PEX19: variants seen among roughly 807,000 people sequenced by gnomAD.
PEX19 encodes the protein 33 kDa housekeeping protein.
PEX19 carries 29 observed loss-of-function variants against 36.3 expected under a neutral mutation model. That is an observed-to-expected ratio of 0.80 (90% CI 0.60 to 1.09). The LOEUF (loss-of-function observed/expected upper bound fraction) is 1.09. Among genes scored for constraint, PEX19 ranks in the 50% least tolerant of loss-of-function variants. PEX19 has a pLI of 0.00. For missense variants in PEX19, 396 were observed against 368.1 expected (o/e 1.08, Z -0.62); for synonymous variants, 141 against 135.2 (o/e 1.04, Z -0.30).
intron 3 of PEX19, 56 bp downstream of exon 3, chr1:160,282,888 G>C: frequency 6.4e-7 from 1 of 1,570,814 alleles, no homozygotes; most frequent in South Asian, 1.1e-5. Context: ...GTGTTTTCAG[G>C]CAACAAAGAC....
chr1:160,280,178 C>T lies in PEX19; in HGVS notation c.663G>A (p.Gln221=). The T allele has an allele frequency of 1.2e-6, 2 of 1,613,952 alleles. No individual in the cohort carries two copies. Among genetic ancestry groups the T allele is most frequent in the Non-Finnish European group, 1.7e-6 (2 of 1,179,830 alleles). Residue 221 remains glutamine (Q), a synonymous_variant, in exon 6 of 8, where the codon CAG becomes CAA. Transcript: ENST00000368072. ...CACATATTTTGCACATGACGCTGTGCTGCTCCTGATATTTTTCAAACTGCT... is the reference window on the plus strand; with the variant it reads ...CACATATTTTGCACATGACGCTGTGTTGCTCCTGATATTTTTCAAACTGCT... ...PPEQFEKYQE[Q]HSVMCKICEQ... is the part of the protein sequence containing the mutation.
rs1284493350 is a variant in PEX19, at chr1:160,279,653, G to T, written c.817-19C>A. The T allele has an allele frequency of 6.2e-7, 1 of 1,605,002 alleles. No homozygotes were observed. Among genetic ancestry groups the T allele is most frequent in the Non-Finnish European group, 8.5e-7 (1 of 1,171,688 alleles). On this transcript the variant is annotated intron_variant, in intron 7 of 7. Transcript: ENST00000368072. ...CAGGAGGCTGGGGAAGAGATGAAGG[G>T]ACTCAGATAGTTGCTCATTTTTTAG...
Position 160,279,540 on chromosome 1 carries a change from CGT to C in PEX19, c.*9_*10del. 4.3e-6 allele frequency: 7 copies of C among 1,609,586 alleles called. No individual in the cohort carries two copies. Among genetic ancestry groups the C allele is most frequent in the Non-Finnish European group, 6.0e-6 (7 of 1,175,820 alleles). On this transcript the variant is annotated 3_prime_UTR_variant, in exon 8 of 8. Transcript: ENST00000368072. ...CATAGCTGGGACTCAGAGAGGAAAACGTGTTGTGTTTCACATGATCAGACACT... is the reference window on the plus strand; with the variant it reads ...CATAGCTGGGACTCAGAGAGGAAAACGTTGTGTTTCACATGATCAGACACT...
In PEX19 at chr1:160,277,431, G is replaced by C; in HGVS notation, c.*2120C>G. The C allele has an allele frequency of 2.2e-6, 1 of 454,794 alleles. No homozygotes were observed. The highest frequency in any genetic ancestry group is 1.6e-5 in the South Asian group (1 of 64,394). 28.2% of individuals were successfully genotyped at this position (454,794 alleles called of 1,614,324 possible). A position where few individuals can be genotyped will look rare whatever the true frequency, so the allele number is the denominator to read the frequency against. ...ATGCATATTGATAAGTGAAGGACTG[G>C]AAAACAAAAAACCTGGTCCTTTACC... On this transcript the variant is annotated 3_prime_UTR_variant, in exon 8 of 8. Transcript: ENST00000368072.
intron 5 of PEX19, among the ~76,000 whole-genome samples, chr1:160,280,451 C>T (rs1657726353): frequency 6.6e-6 from 1 of 152,068 alleles, no homozygotes; most frequent in East Asian, 1.9e-4. Flanking sequence ...GATTGGTAAG[C>T]TTCTGTAAAG....
Position 160,278,038 on chromosome 1 carries a change from TC to T in PEX19, c.*1512del. The T allele has an allele frequency of 1.4e-6, 1 of 701,302 alleles. No homozygotes were observed. The highest frequency in any genetic ancestry group is 1.5e-5 in the South Asian group (1 of 67,528). 43.4% of individuals were successfully genotyped at this position (701,302 alleles called of 1,614,324 possible). ...TCGGGGCAAGTGACATGTCAGAAGC[TC>T]AAAGCGACTCATAATGCATGTGAAT... On this transcript the variant is annotated 3_prime_UTR_variant, in exon 8 of 8. Transcript: ENST00000368072.
At chr1:160,283,741 T>C (rs1054772485) in intron 1 of PEX19, 102 bp from the exon 2 acceptor site, 16 of 965,524 alleles carry the variant, frequency 1.7e-5, no homozygotes, top group Admixed American at 5.8e-5. Flanking sequence ...ATTTTTCAAA[T>C]TGCCAACTTT....
At chr1:160,283,698 T>C in intron 1 of PEX19, 59 bp from the exon 2 acceptor site, 1 of 1,354,908 alleles carries the variant, frequency 7.4e-7, no homozygotes, top group Non-Finnish European at 1.1e-6. Context: ...CAAGCAAGGC[T>C]GGGTGGTTTC....
chr1:160,281,815 C>T (rs1179570442), intron 5 of PEX19, among the ~76,000 whole-genome samples: 1 of 152,106 alleles, frequency 6.6e-6, no homozygotes, highest in Non-Finnish European at 1.5e-5. Context: ...CCTCTTAGAC[C>T]CCAAACGTTA....
In PEX19 at chr1:160,283,113, C is replaced by A. The variant is rs747572423; in HGVS notation, c.181-4G>T. The A allele has an allele frequency of 4.3e-6, 7 of 1,613,048 alleles. No homozygotes were observed. The highest frequency in any genetic ancestry group is 1.3e-5 in the African/African-American group (1 of 75,000). ...CTTGGGAAGCGAAGAGGGCATCCTGCGGGGGAAGGATGGCTGAAATGCGTC... is the reference window on the plus strand; with the variant it reads ...CTTGGGAAGCGAAGAGGGCATCCTGAGGGGGAAGGATGGCTGAAATGCGTC... On this transcript the variant is annotated splice_polypyrimidine_tract_variant and splice_region_variant and intron_variant, in intron 2 of 7. Transcript: ENST00000368072.
In PEX19 at chr1:160,279,268, G is replaced by T. The variant is rs1207677880; in HGVS notation, c.*283C>A. 1.6e-6 allele frequency: 1 copy of T among 607,782 alleles called. No individual in the cohort carries two copies. The highest frequency in any genetic ancestry group is 2.1e-5 in the Admixed American group (1 of 46,974). The allele number at this position is 607,782 out of a possible 1,614,324, so 37.6% of individuals were successfully genotyped here. ...TTTTGAGAAAGGAAAGAAAGTGCATGCCCCAAAAGGGATGCCTTCCTTCAC... is the reference window on the plus strand; with the variant it reads ...TTTTGAGAAAGGAAAGAAAGTGCATTCCCCAAAAGGGATGCCTTCCTTCAC... On this transcript the variant is annotated 3_prime_UTR_variant, in exon 8 of 8. Transcript: ENST00000368072.
rs1018626202 is a variant in PEX19, at chr1:160,278,986, T to C, written c.*565A>G. 1.1e-5 allele frequency: 5 copies of C among 453,972 alleles called. No individual in the cohort carries two copies. The highest frequency in any genetic ancestry group is 2.2e-5 in the Non-Finnish European group (5 of 226,798). The allele number at this position is 453,972 out of a possible 1,614,324, so 28.1% of individuals were successfully genotyped here. On this transcript the variant is annotated 3_prime_UTR_variant, in exon 8 of 8. Transcript: ENST00000368072. Reference sequence around the variant, plus strand: ...TCCTAAGGCCTCTCTTTCAACTCTATTGTGATTAGATGCAAAAGCCCTTTC... The same window carrying C: ...TCCTAAGGCCTCTCTTTCAACTCTACTGTGATTAGATGCAAAAGCCCTTTC...
Position 160,283,243 on chromosome 1 carries a change from C to T in PEX19, c.181-134G>A. 3.0e-6 allele frequency: 3 copies of T among 999,510 alleles called. No individual in the cohort carries two copies. In the South Asian group the frequency reaches 3.9e-5, roughly 13 times the overall value. The allele number at this position is 999,510 out of a possible 1,614,324, so 61.9% of individuals were successfully genotyped here. A position where few individuals can be genotyped will look rare whatever the true frequency, so the allele number is the denominator to read the frequency against. Reference sequence around the variant, plus strand: ...CCAATTCCACTGGACATTCTAACTACTGCTCCTAATGAGGATAGCAAAAAA... The same window carrying T: ...CCAATTCCACTGGACATTCTAACTATTGCTCCTAATGAGGATAGCAAAAAA... On this transcript the variant is annotated intron_variant, in intron 2 of 7. Transcript: ENST00000368072.
intron 7 of PEX19, 76 bp from the exon 8 acceptor site, chr1:160,279,710 C>T: frequency 6.5e-7 from 1 of 1,533,784 alleles, no homozygotes; most frequent in Admixed American, 1.7e-5. Context: ...CCAGTAGCCA[C>T]AATTTTCACC....
chr1:160,281,911 A>G, intron 5 of PEX19, 128 bp downstream of exon 5: 1 of 803,158 alleles, frequency 1.2e-6, no homozygotes, highest in Non-Finnish European at 2.1e-6. Flanking sequence ...CCCTGCCTCA[A>G]ATAAATAAAG....
intron 3 of PEX19, 79 bp downstream of exon 3, chr1:160,282,865 A>G (rs1035744392): frequency 1.4e-6 from 2 of 1,463,224 alleles, no homozygotes; most frequent in Non-Finnish European, 1.9e-6. Flanking sequence ...TATCAACTTC[A>G]CTAAGAATTC....
intron 1 of PEX19, among the ~76,000 whole-genome samples, 160 bp from the exon 2 acceptor site, chr1:160,283,799 T>C (rs573836498): frequency 6.6e-6 from 1 of 152,306 alleles, no homozygotes; most frequent in South Asian, 2.1e-4. Context: ...CCACCCTCAA[T>C]GAGCCTCCTA....
rs1233846932 is a variant in PEX19, at chr1:160,277,221, TG to T, written c.*2329del. 2 of 455,714 alleles carry T rather than the reference TG, an allele frequency of 4.4e-6. No individual in the cohort carries two copies. The highest frequency in any genetic ancestry group is 8.8e-6 in the Non-Finnish European group (2 of 226,742). 28.2% of individuals were successfully genotyped at this position (455,714 alleles called of 1,614,324 possible). On this transcript the variant is annotated 3_prime_UTR_variant, in exon 8 of 8. Coordinates refer to ENST00000368072, the MANE Select transcript of PEX19 (RefSeq NM_002857.4). ...CACCTTTTTTTTTTTTTCACCAGTC[TG>T]TGACATGGTGAATTAGAAATTGAGA...
At chr1:160,280,960 T>C (rs1268234839) in intron 5 of PEX19, among the ~76,000 whole-genome samples, 2 of 152,192 alleles carry the variant, frequency 1.3e-5, no homozygotes, top group African/African-American at 4.8e-5. Context: ...TTACCCACAT[T>C]TCCCCATGTC....
Sources: allele counts gnomAD v4.1 joint callset (sites outside exome capture counted in the v4.1 genomes callset), GRCh38; gene constraint gnomAD v4.1.1; transcripts MANE v1.5; gene names NCBI Gene and HGNC (gene_info 2026-07-23, HGNC 2026-07-21).